FBXO25: variants seen among roughly 807,000 people sequenced by gnomAD.
FBXO25 encodes the protein F-box only protein 25.
A neutral mutation model predicts 51.9 loss-of-function variants in FBXO25; 45 were observed. The ratio of observed to expected loss-of-function variants is 0.87; its 90% CI spans 0.68 to 1.11. The LOEUF is 1.11. Among genes scored for constraint, FBXO25 ranks in the 50% most tolerant of loss-of-function variants. The pLI, the probability that FBXO25 is intolerant of heterozygous loss-of-function variation, is 0.00. For missense variants in FBXO25, 507 were observed against 428.5 expected (o/e 1.18, Z -1.62); for synonymous variants, 199 against 151.0 (o/e 1.32, Z -2.33).
chr8:426,965 T>C (rs1797528626), intron 2 of FBXO25, among the ~76,000 whole-genome samples: 1 of 152,100 alleles, frequency 6.6e-6, no homozygotes, highest in Non-Finnish European at 1.5e-5. Flanking sequence ...TATATAAAAT[T>C]GACTGGACTT....
At chr8:409,007 A>AT (rs1796332533) in intron 1 of FBXO25, among the ~76,000 whole-genome samples, 1 of 152,332 alleles carries the variant, frequency 6.6e-6, no homozygotes, top group South Asian at 2.1e-4. Context: ...AGCAATTCAC[A>AT]TTTTTTAGCT....
intron 5 of FBXO25, among the ~76,000 whole-genome samples, chr8:445,345 G>C (rs962898381): frequency 4.6e-5 from 7 of 152,158 alleles, no homozygotes; most frequent in African/African-American, 1.7e-4. Flanking sequence ...TAGTCGGGAA[G>C]ACCTTATCTC....
intron 2 of FBXO25, among the ~76,000 whole-genome samples, chr8:429,984 T>C (rs1413243794): frequency 2.0e-5 from 3 of 152,266 alleles, no homozygotes; most frequent in Non-Finnish European, 4.4e-5. Flanking sequence ...GCTCAGTGTG[T>C]CCATGGGATA....
chr8:451,789 A>G (rs2241989), intron 7 of FBXO25, among the ~76,000 whole-genome samples: 1 of 152,028 alleles, frequency 6.6e-6, no homozygotes, highest in Non-Finnish European at 1.5e-5. Context: ...GTAATTCTCT[A>G]TTTATTTAGT....
rs1224522082 is a variant in FBXO25 at position 472,382 on chromosome 8, C to T, written c.*3578C>T. 1 of 152,198 alleles carries T rather than the reference C, an allele frequency of 6.6e-6. No individual in the cohort carries two copies. Among genetic ancestry groups the T allele is most frequent in the Non-Finnish European group, 1.5e-5 (1 of 68,048 alleles). 9.4% of individuals were successfully genotyped at this position (152,198 alleles called of 1,614,324 possible). Reference sequence around the variant, plus strand: ...ACTGATTTCTATATCTTGAACCAACCTTGCATTCTTGGGTCAAAGCCCACT... The same window carrying T: ...ACTGATTTCTATATCTTGAACCAACTTTGCATTCTTGGGTCAAAGCCCACT... On this transcript the variant is annotated 3_prime_UTR_variant, in exon 10 of 10. Transcript: ENST00000350302.
intron 1 of FBXO25, among the ~76,000 whole-genome samples, chr8:410,745 A>C (rs891745826): frequency 6.6e-6 from 1 of 152,220 alleles, no homozygotes; most frequent in African/African-American, 2.4e-5. Flanking sequence ...AAAGTTTATC[A>C]AAATTGTGCT....
chr8:463,440 G>C (rs1030578848), intron 9 of FBXO25, among the ~76,000 whole-genome samples: 1 of 152,216 alleles, frequency 6.6e-6, no homozygotes, highest in African/African-American at 2.4e-5. Context: ...AGCAGCTCCA[G>C]ATTCCCTGCT....
Position 450,128 on chromosome 8 carries a change from A to C in FBXO25, c.475+45A>C, listed in dbSNP as rs137862229. The C allele has an allele frequency of 8.2e-4, 1,161 of 1,417,006 alleles. 7 individuals are homozygous for C. In the African/African-American group the frequency reaches 0.015, roughly 18 times the overall value. The allele number at this position is 1,417,006 out of a possible 1,614,324, so 87.8% of individuals were successfully genotyped here. A position where few individuals can be genotyped will look rare whatever the true frequency, so the allele number is the denominator to read the frequency against. On this transcript the variant is annotated intron_variant, in intron 6 of 9. Transcript: ENST00000350302. Reference sequence around the variant, plus strand: ...TTTAATACTCTAAATCTTAATTAGAAATTTGGTGCAAGGAGATGGGATTTT... The same window carrying C: ...TTTAATACTCTAAATCTTAATTAGACATTTGGTGCAAGGAGATGGGATTTT...
At chr8:416,586 A>G (rs1796816630) in intron 2 of FBXO25, among the ~76,000 whole-genome samples, 1 of 152,158 alleles carries the variant, frequency 6.6e-6, no homozygotes, top group African/African-American at 2.4e-5. Context: ...CTTGATGGGA[A>G]GGACACAGCT....
intron 2 of FBXO25, among the ~76,000 whole-genome samples, chr8:414,167 G>A (rs1365416681): frequency 1.3e-5 from 2 of 152,154 alleles, no homozygotes; most frequent in African/African-American, 4.8e-5. Flanking sequence ...TTACAGTGAG[G>A]ATAACACATA....
chr8:429,166 C>T (rs988361220), intron 2 of FBXO25, among the ~76,000 whole-genome samples: 4 of 152,246 alleles, frequency 2.6e-5, no homozygotes, highest in South Asian at 2.1e-4. Context: ...CAACATTGCA[C>T]GAGGGATCCA....
intron 4 of FBXO25, among the ~76,000 whole-genome samples, chr8:434,891 C>T (rs917451120): frequency 3.9e-5 from 6 of 152,120 alleles, no homozygotes; most frequent in Non-Finnish European, 8.8e-5. Context: ...CATTTTCTTC[C>T]TTCAGTTCTT....
At chr8:449,596 C>G (rs562204002) in intron 5 of FBXO25, among the ~76,000 whole-genome samples, 34 of 152,298 alleles carry the variant, frequency 2.2e-4, no homozygotes, top group East Asian at 1.2e-3. Context: ...CGAGTATGGG[C>G]TTAGGTTGTG....
intron 1 of FBXO25, among the ~76,000 whole-genome samples, chr8:412,421 G>A (rs143313288): frequency 2.2e-4 from 33 of 152,262 alleles, no homozygotes; most frequent in African/African-American, 7.2e-4. Flanking sequence ...ACCTTTTAAA[G>A]GTCAACATTC....
chr8:445,028 T>G (rs1347383707), intron 5 of FBXO25, among the ~76,000 whole-genome samples: 1 of 152,244 alleles, frequency 6.6e-6, no homozygotes, highest in Non-Finnish European at 1.5e-5. Context: ...CAGACTTTGC[T>G]TTATGGCTAA....
intron 2 of FBXO25, among the ~76,000 whole-genome samples, chr8:416,523 G>T (rs1473094346): frequency 4.6e-5 from 7 of 152,158 alleles, no homozygotes; most frequent in Admixed American, 2.6e-4. Context: ...TTACCCCCAG[G>T]GGTAGAGTCA....
At chr8:409,637 G>A (rs1468683917) in intron 1 of FBXO25, among the ~76,000 whole-genome samples, 1 of 151,978 alleles carries the variant, frequency 6.6e-6, no homozygotes, top group African/African-American at 2.4e-5. Context: ...TACAATATTT[G>A]TGTGTCATCA....
intron 5 of FBXO25, among the ~76,000 whole-genome samples, chr8:445,323 T>C (rs951085777): frequency 3.3e-5 from 5 of 152,142 alleles, no homozygotes; most frequent in African/African-American, 9.7e-5. Flanking sequence ...ATTTCGATGA[T>C]AGGAGGGGAG....
At chr8:446,119 C>A (rs1490434193) in intron 5 of FBXO25, among the ~76,000 whole-genome samples, 1 of 152,060 alleles carries the variant, frequency 6.6e-6, no homozygotes, top group Non-Finnish European at 1.5e-5. Flanking sequence ...GCCTCTGGAG[C>A]ACTTCACTGC....
Sources: gnomAD v4.1 joint callset for allele counts (sites outside exome capture counted in the v4.1 genomes callset) on GRCh38, gnomAD v4.1.1 for gene constraint, MANE v1.5 for transcripts, NCBI Gene and HGNC (gene_info 2026-07-23, HGNC 2026-07-21) for gene names.